The following OLFM2 variants were observed in gnomAD, a reference collection of about 807,000 sequenced individuals.
OLFM2 encodes the protein noelin-2.
Under a neutral mutation model 43.9 loss-of-function variants are expected in OLFM2, and 20 were observed. That is an observed-to-expected ratio of 0.46 (90% CI 0.32 to 0.66). The LOEUF is 0.66. OLFM2 is among the 30% of genes least tolerant of loss of function. The pLI is 0.04. For missense variants in OLFM2, 416 were observed against 643.6 expected, an observed-to-expected ratio of 0.65 and a Z score of 3.83; for synonymous variants, 268 against 278.6, an observed-to-expected ratio of 0.96 and a Z score of 0.38.
chr19:9,857,447 CAG>C lies in OLFM2; in HGVS notation c.394_395del (p.Leu132GlufsTer41). The C allele has an allele frequency of 6.2e-7, 1 of 1,614,060 alleles. No homozygotes were observed. Among genetic ancestry groups the C allele is most frequent in the Non-Finnish European group, 8.5e-7 (1 of 1,180,022 alleles). On this transcript the variant is annotated frameshift_variant, in exon 4 of 6. Transcript: ENST00000264833. LOFTEE classifies it high-confidence loss of function. This position sits in a 1 kb window ranked among gnomAD's most constrained non-coding sequence, Gnocchi z 5.7. ...LKDRMTELLP[L>X]SSVLEQYKAD... ...CCTTGTACTGCTCCAGGACCGAGCT[CAG>C]GGGCAACAGTTCCGTCATCCTGTCC...
chr19:9,934,575 T>G (rs1290203015), intron 1 of OLFM2, among the ~76,000 whole-genome samples: 1 of 152,088 alleles, frequency 6.6e-6, no homozygotes, highest in Non-Finnish European at 1.5e-5. Flanking sequence ...CAAGGATAAT[T>G]CAACTTGATT....
intron 1 of OLFM2, among the ~76,000 whole-genome samples, chr19:9,862,374 A>T (rs2046370772): frequency 6.6e-6 from 1 of 152,064 alleles, no homozygotes; most frequent in Non-Finnish European, 1.5e-5. Context: ...ACAAATCCTG[A>T]TCAATGTCTG....
At chr19:9,865,954 C>G (rs1399275609) in intron 1 of OLFM2, among the ~76,000 whole-genome samples, 1 of 152,114 alleles carries the variant, frequency 6.6e-6, no homozygotes, top group Non-Finnish European at 1.5e-5. Flanking sequence ...ACAAAGCCGC[C>G]GGTTCAACGT....
At chr19:9,922,995 G>T (rs943374921) in intron 1 of OLFM2, among the ~76,000 whole-genome samples, 9 of 151,978 alleles carry the variant, frequency 5.9e-5, no homozygotes, top group Non-Finnish European at 1.2e-4. Flanking sequence ...GGAGCAACTG[G>T]AACACTTCAT....
intron 1 of OLFM2, among the ~76,000 whole-genome samples, chr19:9,865,799 C>CTTGATAAATCTCATTCTTAAA (rs1166156944): frequency 1.0e-4 from 15 of 143,592 alleles, no homozygotes; most frequent in African/African-American, 3.9e-4. Context: ...GCCCTCCCTT[C>CTTGATAAATCTCATTCTTAAA]TTGATAAATC....
intron 1 of OLFM2, among the ~76,000 whole-genome samples, chr19:9,914,725 C>T (rs1014748611): frequency 1.3e-5 from 2 of 152,096 alleles, no homozygotes; most frequent in African/African-American, 2.4e-5. Context: ...GCCGCCCACC[C>T]GTCCGCCCAC....
At chr19:9,890,618 A>G (rs939026276) in intron 1 of OLFM2, among the ~76,000 whole-genome samples, 14 of 152,186 alleles carry the variant, frequency 9.2e-5, no homozygotes, top group African/African-American at 3.4e-4. Context: ...TCCTTTAGCC[A>G]ATGCCTTTTA....
At chr19:9,881,003 T>C (rs2046535484) in intron 1 of OLFM2, among the ~76,000 whole-genome samples, 1 of 152,092 alleles carries the variant, frequency 6.6e-6, no homozygotes. Context: ...GTTCAAGCAA[T>C]TCTCCTGCCT....
At chr19:9,874,780 CTTTTA>C (rs949978347) in intron 1 of OLFM2, among the ~76,000 whole-genome samples, 8 of 152,144 alleles carry the variant, frequency 5.3e-5, no homozygotes, top group African/African-American at 1.2e-4. Flanking sequence ...CGCACCCAGT[CTTTTA>C]TTTTATTTTT....
At position 9,856,223 on chromosome 19, in the gene OLFM2, C is replaced by T. The variant is rs1272132371; in HGVS notation, c.687+584G>A. ...AAGTGATTCTCCTGCCTCAGCCTCC[C>T]GAGTAGCTGGGATTACAGGCATGCA... is the stretch of plus-strand genomic sequence containing the variant. On this transcript the variant is annotated intron_variant, in intron 5 of 5. Transcript: ENST00000264833. This position sits in a 1 kb window ranked among gnomAD's most constrained non-coding sequence, Gnocchi z 4.0. Among the ~76,000 whole-genome samples the T allele has an allele frequency of 2.0e-5, 3 of 152,128 alleles. No individual in the cohort carries two copies. The highest frequency in any genetic ancestry group is 2.1e-4 in the South Asian group (1 of 4,838).
chr19:9,916,018 G>C (rs1177660505), intron 1 of OLFM2, among the ~76,000 whole-genome samples: 1 of 152,192 alleles, frequency 6.6e-6, no homozygotes, highest in Non-Finnish European at 1.5e-5. Context: ...TACTTTACAA[G>C]TGTCTGGGAC....
chr19:9,922,496 G>T (rs1198053107), intron 1 of OLFM2, among the ~76,000 whole-genome samples: 1 of 152,064 alleles, frequency 6.6e-6, no homozygotes, highest in Non-Finnish European at 1.5e-5. Context: ...TAAGGTGGGA[G>T]GATCACTTGA....
At chr19:9,860,535 T>G in intron 2 of OLFM2, 110 bp downstream of exon 2, 1 of 1,151,016 alleles carries the variant, frequency 8.7e-7, no homozygotes, top group South Asian at 1.3e-5. Context: ...CAGCTCTGAA[T>G]AATTTGCATA....
At chr19:9,873,495 T>C (rs1007898586) in intron 1 of OLFM2, among the ~76,000 whole-genome samples, 1 of 152,000 alleles carries the variant, frequency 6.6e-6, no homozygotes, top group African/African-American at 2.4e-5. Context: ...CAAGCAGTTG[T>C]CCAGGCTGGA....
chr19:9,924,103 CAAAAAAAAAA>C (rs1047796253), intron 1 of OLFM2, among the ~76,000 whole-genome samples: 3 of 20,716 alleles, frequency 1.4e-4, no homozygotes, highest in Non-Finnish European at 3.9e-4. Flanking sequence ...CTCGTCTCTA[CAAAAAAAAAA>C]AAAAAAAAAA....
At chr19:9,890,966 A>G (rs1183302828) in intron 1 of OLFM2, among the ~76,000 whole-genome samples, 1 of 151,808 alleles carries the variant, frequency 6.6e-6, no homozygotes, top group Admixed American at 6.6e-5. Context: ...AACAACGAAG[A>G]AAAAAAGAGG....
At chr19:9,876,965 C>T (rs550113353) in intron 1 of OLFM2, among the ~76,000 whole-genome samples, 1 of 152,230 alleles carries the variant, frequency 6.6e-6, no homozygotes, top group Non-Finnish European at 1.5e-5. Context: ...TGCGGTGGCT[C>T]ACACCTGTAA....
At chr19:9,906,316 C>T (rs2046785742) in intron 1 of OLFM2, among the ~76,000 whole-genome samples, 1 of 152,090 alleles carries the variant, frequency 6.6e-6, no homozygotes, top group South Asian at 2.1e-4. Flanking sequence ...GGGGAGAGGG[C>T]AGGGGAAGTG....
intron 1 of OLFM2, among the ~76,000 whole-genome samples, chr19:9,886,287 C>T (rs2046586454): frequency 1.3e-5 from 2 of 152,076 alleles, no homozygotes; most frequent in Admixed American, 6.6e-5. Flanking sequence ...CTCACTGCAA[C>T]CTCTGCCTTC....
Sources: allele counts gnomAD v4.1 joint callset (sites outside exome capture counted in the v4.1 genomes callset), GRCh38; gene constraint gnomAD v4.1.1; non-coding constraint Gnocchi (gnomAD v3.1); transcripts MANE v1.5; gene names NCBI Gene and HGNC (gene_info 2026-07-23, HGNC 2026-07-21).